CCDC112: variants seen among roughly 807,000 people sequenced by gnomAD.
CCDC112 encodes coiled-coil domain containing 112, also known as coiled-coil domain-containing protein 112.
A neutral mutation model predicts 66.3 loss-of-function variants in CCDC112; 40 were observed. The ratio of observed to expected loss-of-function variants is 0.60; its 90% CI spans 0.47 to 0.79. The LOEUF is 0.79. Ranked by LOEUF, CCDC112 falls within the 30% of genes least tolerant of loss-of-function variation. The pLI is 0.00. For missense variants in CCDC112, 659 were observed against 603.8 expected, an observed-to-expected ratio of 1.09 and a Z score of -0.96; for synonymous variants, 214 against 197.2, an observed-to-expected ratio of 1.09 and a Z score of -0.71.
intron 1 of CCDC112, among the ~76,000 whole-genome samples, chr5:115,294,685 T>A (rs948385688): frequency 1.3e-5 from 2 of 152,166 alleles, no homozygotes; most frequent in African/African-American, 4.8e-5. Flanking sequence ...TTGGTTTCAG[T>A]GTTAAAGTCA....
chr5:115,282,355 T>C (rs1164244950), intron 2 of CCDC112, among the ~76,000 whole-genome samples: 1 of 152,200 alleles, frequency 6.6e-6, no homozygotes, highest in African/African-American at 2.4e-5. Flanking sequence ...TCCATCTATC[T>C]TTGCTTTGCT....
intron 1 of CCDC112, among the ~76,000 whole-genome samples, chr5:115,286,818 G>A (rs1459234560): frequency 6.6e-6 from 1 of 152,036 alleles, no homozygotes; most frequent in Non-Finnish European, 1.5e-5. Flanking sequence ...AGGAGGCTGA[G>A]GTGGGAGGAT....
chr5:115,279,601 C>T (rs764137366), intron 3 of CCDC112, 46 bp downstream of exon 3: 1 of 1,597,500 alleles, frequency 6.3e-7, no homozygotes, highest in Non-Finnish European at 8.5e-7. Flanking sequence ...AAAACTACAA[C>T]TTTATATCGC....
intron 2 of CCDC112, among the ~76,000 whole-genome samples, chr5:115,283,031 T>G (rs1749521536): frequency 6.6e-6 from 1 of 152,064 alleles, no homozygotes; most frequent in Non-Finnish European, 1.5e-5. Context: ...TGGTGGACAT[T>G]ACCCTATCTA....
Position 115,271,467 on chromosome 5 carries a change from C to G in CCDC112, c.1078G>C (p.Ala360Pro). The G allele has an allele frequency of 1.2e-6, 2 of 1,612,952 alleles. No individual in the cohort carries two copies. The highest frequency in any genetic ancestry group is 1.7e-6 in the Non-Finnish European group (2 of 1,179,790). ...QRKKQKLAVE[A>P]WKKQKSIEMS... The stretch of plus-strand genomic sequence containing the variant: ...TCTATACTTTTCTGTTTCTTCCAAG[C>G]TTCAACTGCCAATTTCTGTTTCTTT... Residue 360 changes from alanine (A) to proline (P), a missense_variant, in exon 7 of 10, where the codon GCT becomes CCT. By Grantham distance (27) the Ala-to-Pro change is conservative. Transcript: ENST00000379611.
In CCDC112 at chr5:115,269,784, A is replaced by T; in HGVS notation, c.1347T>A (p.Leu449=). The T allele has an allele frequency of 1.3e-6, 2 of 1,570,666 alleles. No individual in the cohort carries two copies. Among genetic ancestry groups the T allele is most frequent in the Non-Finnish European group, 1.7e-6 (2 of 1,164,072 alleles). The change falls in exon 8 of 10, where the codon CTT becomes CTA. Residue 449 remains leucine (L), a synonymous_variant. Transcript: ENST00000379611. ...CCTGTCTATCTAGAATTTTCAGTTC[A>T]AGTTTATGTAAATCCTTAAAAAAAA... ...SRFQERDLHK[L]ELKILDRQAK...
chr5:115,274,790 G>C (rs993856), intron 6 of CCDC112, among the ~76,000 whole-genome samples: 7 of 152,280 alleles, frequency 4.6e-5, no homozygotes, highest in African/African-American at 1.4e-4. Context: ...GCTCAGGCTA[G>C]AGTGCAGTGG....
intron 9 of CCDC112, 68 bp from the exon 10 acceptor site, chr5:115,267,986 T>C (rs763863399): frequency 8.1e-7 from 1 of 1,235,776 alleles, no homozygotes. Flanking sequence ...CCCTATCTGA[T>C]TAAGTGCTAA....
At chr5:115,275,000 C>T (rs781044167) in intron 6 of CCDC112, among the ~76,000 whole-genome samples, 4 of 152,182 alleles carry the variant, frequency 2.6e-5, no homozygotes, top group Non-Finnish European at 4.4e-5. Context: ...GCCTTAACCT[C>T]CCAGAGTGCT....
chr5:115,269,429 A>G (rs1257203768), intron 8 of CCDC112, among the ~76,000 whole-genome samples: 2 of 152,202 alleles, frequency 1.3e-5, no homozygotes, highest in Non-Finnish European at 2.9e-5. Flanking sequence ...TCTAAAATAA[A>G]GGTTCATATA....
At chr5:115,283,339 T>C (rs1361110047) in intron 2 of CCDC112, among the ~76,000 whole-genome samples, 1 of 152,054 alleles carries the variant, frequency 6.6e-6, no homozygotes, top group Non-Finnish European at 1.5e-5. Context: ...TGTTTCTGAG[T>C]TTGACTTTTT....
Position 115,275,569 on chromosome 5 carries a change from T to C in CCDC112, c.565A>G (p.Asn189Asp), listed in dbSNP as rs1749173582. 21 of 1,600,876 alleles carry C rather than the reference T, an allele frequency of 1.3e-5. No homozygotes were observed. Among genetic ancestry groups the C allele is most frequent in the Non-Finnish European group, 1.8e-5 (21 of 1,171,790 alleles). The change falls in exon 6 of 10, where the codon AAT (asparagine) becomes GAT (aspartate). Residue 189 changes from asparagine (N) to aspartate (D), a missense_variant. Asn to Asp is a conservative substitution (Grantham distance 23). Transcript: ENST00000379611. Reference sequence around the variant, plus strand: ...TTTCTTGATATGGCACTCAACTCATTATTAGTTGTCTTCTCTTCTTTAATT... The same window carrying C: ...TTTCTTGATATGGCACTCAACTCATCATTAGTTGTCTTCTCTTCTTTAATT... ...ELIKEEKTTN[N>D]ELSAISRKID... is the part of the protein sequence containing the mutation.
chr5:115,291,864 G>C (rs1749945684), intron 1 of CCDC112, among the ~76,000 whole-genome samples: 1 of 152,074 alleles, frequency 6.6e-6, no homozygotes, highest in African/African-American at 2.4e-5. Flanking sequence ...GAAAACAGCT[G>C]TTAATCTTAT....
intron 3 of CCDC112, among the ~76,000 whole-genome samples, chr5:115,277,900 A>T (rs551646884): frequency 6.6e-6 from 1 of 152,138 alleles, no homozygotes; most frequent in South Asian, 2.1e-4. Context: ...TGTTTTTGCA[A>T]CTTTTCCACA....
Position 115,271,552 on chromosome 5 carries a change from G to A in CCDC112, c.993C>T (p.Asn331=). The A allele has an allele frequency of 6.3e-7, 1 of 1,593,724 alleles. No individual in the cohort carries two copies. Among genetic ancestry groups the A allele is most frequent in the East Asian group, 2.3e-5 (1 of 44,380 alleles). ...GTTTATTATGAAAAAGCACAGGTGT[G>A]TTGTCTGCCTTTTCCTTTAACTTGA... ...EIFKLKEKAD[N]TPVLFHNKQE... The change falls in exon 7 of 10, where the codon AAC becomes AAT. Residue 331 remains asparagine, a synonymous_variant. Transcript: ENST00000379611.
chr5:115,269,491 A>G, intron 8 of CCDC112: 1 of 498,832 alleles, frequency 2.0e-6, no homozygotes, highest in Non-Finnish European at 3.5e-6. Context: ...AGAGTGAAAG[A>G]AAACGGTGCT....
chr5:115,286,273 GA>G (rs1749671183), intron 1 of CCDC112, among the ~76,000 whole-genome samples: 1 of 152,118 alleles, frequency 6.6e-6, no homozygotes, highest in Admixed American at 6.5e-5. Context: ...ATATTCTGGA[GA>G]ATTTATATAA....
Position 115,274,467 on chromosome 5 carries a change from A to G in CCDC112, c.918+749T>C, listed in dbSNP as rs544621740. Among the ~76,000 whole-genome samples the G allele has an allele frequency of 1.0e-3, 155 of 152,306 alleles. 1 individual carries two copies. Among genetic ancestry groups the G allele is most frequent in the African/African-American group, 3.3e-3 (137 of 41,568 alleles). The stretch of plus-strand genomic sequence containing the variant: ...TCTTTAAAATAAGCAATATGGTTGA[A>G]GTTTAAAAATCTCAAAGAAATGTTT... On this transcript the variant is annotated intron_variant, in intron 6 of 9. Transcript: ENST00000379611.
Position 115,296,625 on chromosome 5 carries a change from A to G in CCDC112, c.-82T>C, listed in dbSNP as rs1419395265. The G allele has an allele frequency of 1.5e-6, 2 of 1,320,608 alleles. No homozygotes were observed. The highest frequency in any genetic ancestry group is 3.9e-5 in the Admixed American group (1 of 25,342). 81.8% of individuals were successfully genotyped at this position (1,320,608 alleles called of 1,614,324 possible). On this transcript the variant is annotated 5_prime_UTR_variant, in exon 1 of 10. Transcript: ENST00000379611. The stretch of plus-strand genomic sequence containing the variant: ...CAGGCGCACCCTGGCCTCTGCAGAC[A>G]GCTCCCTGCGCTGCGGGCTTGGCCG...
Sources: gnomAD v4.1 joint callset for allele counts (sites outside exome capture counted in the v4.1 genomes callset) on GRCh38, gnomAD v4.1.1 for gene constraint, MANE v1.5 for transcripts, NCBI Gene and HGNC (gene_info 2026-07-23, HGNC 2026-07-21) for gene names.